The following RBFOX1 variants were observed in gnomAD, a reference collection of about 807,000 sequenced individuals.
RBFOX1 encodes the protein RNA binding fox-1 homolog 1, also known as RNA binding protein fox-1 homolog 1.
Under a neutral mutation model 57.7 loss-of-function variants are expected in RBFOX1, and 8 were observed. The ratio of observed to expected loss-of-function variants is 0.14; its 90% CI spans 0.08 to 0.25. The LOEUF (loss-of-function observed/expected upper bound fraction) is 0.25, where lower values mean the gene tolerates loss of function less well. RBFOX1 is among the 10% of genes least tolerant of loss of function. RBFOX1 has a pLI of 1.00. For missense variants in RBFOX1, 611 were observed against 548.5 expected, an observed-to-expected ratio of 1.11 and a Z score of -1.14; for synonymous variants, 326 against 222.4, an observed-to-expected ratio of 1.47 and a Z score of -4.15.
chr16:6,450,828 T>TATATACATAC lies in RBFOX1; in HGVS notation c.-64+133776_-64+133777insCATACATATA, dbSNP rs1567303693. Among the ~76,000 whole-genome samples, 119 of 27,390 alleles carry TATATACATAC rather than the reference T, an allele frequency of 4.3e-3. 6 individuals carry two copies. Among genetic ancestry groups the TATATACATAC allele is most frequent in the African/African-American group, 0.018 (77 of 4,194 alleles). The allele number at this position is 27,390 out of a possible 152,430, so 18.0% of individuals were successfully genotyped here. ...ATATATATATATATACATATATATA[T>TATATACATAC]ATATATATGTGTATATATATATATA... On this transcript the variant is annotated intron_variant, in intron 2 of 15. Transcript: ENST00000550418.
chr16:5,368,701 A>T (rs1237273097), intron 1 of RBFOX1, among the ~76,000 whole-genome samples: 1 of 152,186 alleles, frequency 6.6e-6, no homozygotes, highest in African/African-American at 2.4e-5. Context: ...TCAGGGGGGC[A>T]GGAGGGGCTG....
At chr16:6,061,020 G>T (rs990795108) in intron 1 of RBFOX1, among the ~76,000 whole-genome samples, 1 of 152,024 alleles carries the variant, frequency 6.6e-6, no homozygotes, top group Non-Finnish European at 1.5e-5. Flanking sequence ...ACAGAACCTG[G>T]TTGGTCCAGC....
intron 4 of RBFOX1, among the ~76,000 whole-genome samples, chr16:7,296,182 G>A (rs933344581): frequency 6.6e-6 from 1 of 150,724 alleles, no homozygotes; most frequent in African/African-American, 2.4e-5. Flanking sequence ...AAAATTAAGG[G>A]CAATTTAGTG....
At chr16:6,140,217 G>C (rs1373533664) in intron 1 of RBFOX1, among the ~76,000 whole-genome samples, 4 of 146,630 alleles carry the variant, frequency 2.7e-5, no homozygotes, top group Non-Finnish European at 6.0e-5. Context: ...TTGAGACGGA[G>C]TTTCATGCTT....
chr16:7,463,389 C>T lies in RBFOX1; in HGVS notation c.28-54758C>T, dbSNP rs146605088. Among the ~76,000 whole-genome samples, 145 of 152,142 alleles carry T rather than the reference C, an allele frequency of 9.5e-4. 1 individual carries two copies. The highest frequency in any genetic ancestry group is 3.4e-3 in the Middle Eastern group (1 of 294). On this transcript the variant is annotated intron_variant, in intron 4 of 15. Coordinates refer to ENST00000550418, the MANE Select transcript of RBFOX1 (RefSeq NM_018723.4). ...TGTGATTGTGGGTGCCTGTAATCTC[C>T]GATACTCGGGAGGCTGACACAGGAT... is the stretch of plus-strand genomic sequence containing the variant.
chr16:6,459,354 A>G (rs1031994916), intron 2 of RBFOX1, among the ~76,000 whole-genome samples: 18 of 152,108 alleles, frequency 1.2e-4, no homozygotes, highest in Admixed American at 9.8e-4. Context: ...TATTCAGGAT[A>G]CTCACTCGGC....
chr16:5,792,662 C>T (rs568265808), intron 3 of RBFOX1, among the ~76,000 whole-genome samples: 1 of 152,030 alleles, frequency 6.6e-6, no homozygotes, highest in East Asian at 1.9e-4. Context: ...GGCCAACGTG[C>T]TGAAACCCCG....
At chr16:7,689,663 A>G (rs1286751686) in intron 14 of RBFOX1, among the ~76,000 whole-genome samples, 1 of 152,076 alleles carries the variant, frequency 6.6e-6, no homozygotes, top group Non-Finnish European at 1.5e-5. Context: ...TAGAATATAG[A>G]AAAGTTGTGG....
At chr16:7,041,647 T>TA (rs1415792079) in intron 3 of RBFOX1, among the ~76,000 whole-genome samples, 2 of 152,056 alleles carry the variant, frequency 1.3e-5, no homozygotes, top group Non-Finnish European at 2.9e-5. Flanking sequence ...CCACCCTTCT[T>TA]AAAAAGATAA....
At chr16:5,367,716 G>C (rs892127043) in intron 1 of RBFOX1, among the ~76,000 whole-genome samples, 5 of 152,186 alleles carry the variant, frequency 3.3e-5, no homozygotes, top group Non-Finnish European at 5.9e-5. Flanking sequence ...TGCGCTAAAA[G>C]GTAGAGGCCA....
At chr16:7,376,607 T>G (rs938758483) in intron 4 of RBFOX1, among the ~76,000 whole-genome samples, 2 of 152,200 alleles carry the variant, frequency 1.3e-5, no homozygotes, top group African/African-American at 4.8e-5. Context: ...TCATGTTATG[T>G]AATTAATTAC....
chr16:5,470,501 CTATT>C (rs141751310), intron 2 of RBFOX1, among the ~76,000 whole-genome samples: 3,113 of 152,250 alleles, frequency 0.02, 56 homozygotes, highest in Middle Eastern at 0.051. Flanking sequence ...CTCTCAATCT[CTATT>C]TATCTCTCTC....
intron 4 of RBFOX1, among the ~76,000 whole-genome samples, chr16:7,071,243 C>G (rs1256186178): frequency 1.3e-5 from 2 of 152,060 alleles, no homozygotes; most frequent in Admixed American, 1.3e-4. Flanking sequence ...ACTACATACA[C>G]CACTAGGAGA....
At chr16:5,602,967 T>G (rs1032426637), downstream of RBFOX1, among the ~76,000 whole-genome samples, 1 of 152,192 alleles carries the variant, frequency 6.6e-6, no homozygotes, top group African/African-American at 2.4e-5. Flanking sequence ...GTCGTTCCTC[T>G]AGAGGAGTGA....
intron 5 of RBFOX1, among the ~76,000 whole-genome samples, chr16:7,525,067 C>A (rs1188507832): frequency 6.6e-6 from 1 of 152,142 alleles, no homozygotes; most frequent in South Asian, 2.1e-4. Context: ...TATTTCCTTC[C>A]AGAAGTGTTT....
intron 1 of RBFOX1, among the ~76,000 whole-genome samples, chr16:6,313,924 C>T (rs939286268): frequency 3.3e-5 from 5 of 152,058 alleles, no homozygotes; most frequent in Non-Finnish European, 1.5e-5. Flanking sequence ...TTTCTGTTCT[C>T]GCTTTATAAC....
At chr16:6,709,085 A>G (rs889925652) in intron 3 of RBFOX1, among the ~76,000 whole-genome samples, 3 of 152,132 alleles carry the variant, frequency 2.0e-5, no homozygotes, top group African/African-American at 4.8e-5. Context: ...TCAAGCACAG[A>G]TTATTAAAAT....
intron 1 of RBFOX1, among the ~76,000 whole-genome samples, chr16:6,145,198 C>T (rs1448027965): frequency 1.3e-5 from 2 of 152,066 alleles, no homozygotes; most frequent in African/African-American, 2.4e-5. Flanking sequence ...ACCCTCCACC[C>T]TAGGAAAGGC....
chr16:6,103,537 T>G (rs2096340524), intron 1 of RBFOX1, among the ~76,000 whole-genome samples: 1 of 152,134 alleles, frequency 6.6e-6, no homozygotes, highest in Non-Finnish European at 1.5e-5. Flanking sequence ...GCCTTATTCA[T>G]ACAAAGCCAT....
Sources: allele counts gnomAD v4.1 joint callset (sites outside exome capture counted in the v4.1 genomes callset), GRCh38; gene constraint gnomAD v4.1.1; transcripts MANE v1.5; gene names NCBI Gene and HGNC (gene_info 2026-07-23, HGNC 2026-07-21).